Variants in EYS observed in about 807,000 individuals in gnomAD.
EYS encodes the protein protein eyes shut homolog.
Under a neutral mutation model 282.1 loss-of-function variants are expected in EYS, and 250 were observed. The ratio of observed to expected loss-of-function variants is 0.89; its 90% confidence interval spans 0.80 to 0.98. The LOEUF (loss-of-function observed/expected upper bound fraction) is 0.98. Among genes scored for constraint, EYS ranks in the 50% least tolerant of loss-of-function variants. The pLI is 0.00. For synonymous variants in EYS, 1,355 were observed against 1,282.9 expected (o/e 1.06, Z -1.20); for missense variants, 4,016 against 3,709.0 (o/e 1.08, Z -2.15).
chr6:65,086,348 A>G (rs1056012706), intron 12 of EYS, among the ~76,000 whole-genome samples: 2 of 152,036 alleles, frequency 1.3e-5, no homozygotes, highest in East Asian at 3.9e-4. Flanking sequence ...AGAAGACTAC[A>G]GCTTACATTT....
At chr6:65,066,064 A>AT (rs1773736682) in intron 12 of EYS, among the ~76,000 whole-genome samples, 2 of 152,218 alleles carry the variant, frequency 1.3e-5, no homozygotes, top group Non-Finnish European at 2.9e-5. Context: ...GGCTAGGGAC[A>AT]TCATTGCTTG....
At chr6:65,442,789 A>T (rs372074250) in intron 5 of EYS, among the ~76,000 whole-genome samples, 3,750 of 104,934 alleles carry the variant, frequency 0.036, 392 homozygotes, top group African/African-American at 0.052. Context: ...ATTAAAAAAA[A>T]ATATATAGAC....
chr6:64,137,628 C>CAG (rs140219462), intron 31 of EYS, among the ~76,000 whole-genome samples: 7,287 of 151,750 alleles, frequency 0.048, 226 homozygotes, highest in Non-Finnish European at 0.075. Flanking sequence ...AAGAGAGAGA[C>CAG]AGAGAGAGAG....
rs144992044 is a variant in EYS, at chr6:63,732,854, T to C, written c.8072-6174A>G. On this transcript the variant is annotated intron_variant, in intron 41 of 42. Coordinates refer to ENST00000503581, the MANE Select transcript of EYS (RefSeq NM_001142800.2). The stretch of plus-strand genomic sequence containing the variant: ...TTATTTGTGCTGTCATCCTTGTGGA[T>C]GGAAATAGTAAATTAAATAAACATG... Among the ~76,000 whole-genome samples the C allele has an allele frequency of 4.3e-3, 652 of 152,264 alleles. 4 individuals are homozygous for C. Among genetic ancestry groups the C allele is most frequent in the African/African-American group, 0.014 (571 of 41,552 alleles).
At chr6:64,271,040 C>T (rs1037722614) in intron 30 of EYS, among the ~76,000 whole-genome samples, 8 of 152,206 alleles carry the variant, frequency 5.3e-5, no homozygotes, top group Non-Finnish European at 4.4e-5. Flanking sequence ...ATTGTGTTAA[C>T]ATACTACTTT....
At chr6:65,668,299 A>G (rs1332633832) in intron 1 of EYS, among the ~76,000 whole-genome samples, 1 of 151,866 alleles carries the variant, frequency 6.6e-6, no homozygotes, top group Non-Finnish European at 1.5e-5. Flanking sequence ...TGAAAGCCTG[A>G]CTGTTTTTTA....
At chr6:65,130,614 C>T (rs1346511666) in intron 12 of EYS, among the ~76,000 whole-genome samples, 1 of 151,488 alleles carries the variant, frequency 6.6e-6, no homozygotes, top group Non-Finnish European at 1.5e-5. Context: ...AACAGATGGA[C>T]TTATAGAAGG....
Position 65,350,757 on chromosome 6 carries a change from CTT to C in EYS, c.1459+2699_1459+2700del, listed in dbSNP as rs546749366. On this transcript the variant is annotated intron_variant, in intron 9 of 42. Coordinates refer to ENST00000503581, the MANE Select transcript of EYS (RefSeq NM_001142800.2). Reference sequence around the variant, plus strand: ...TGAAAAGAAACAGTGCATGTCAGCTCTTTCTCAAGATGTGCACTGTCGACCAA... The same window carrying C: ...TGAAAAGAAACAGTGCATGTCAGCTCTCTCAAGATGTGCACTGTCGACCAA... Among the ~76,000 whole-genome samples the C allele has an allele frequency of 1.2e-3, 175 of 151,760 alleles. 1 individual carries two copies. The highest frequency in any genetic ancestry group is 4.0e-3 in the African/African-American group (165 of 41,520).
intron 15 of EYS, among the ~76,000 whole-genome samples, chr6:64,923,833 T>C (rs1768428463): frequency 6.6e-6 from 1 of 152,198 alleles, no homozygotes; most frequent in Non-Finnish European, 1.5e-5. Context: ...TAAGTTCTCA[T>C]GGTGTTGGGC....
At chr6:63,928,524 CTGTGTGTGTGTGTGTGTG>C (rs6149619) in intron 35 of EYS, among the ~76,000 whole-genome samples, 3 of 149,398 alleles carry the variant, frequency 2.0e-5, no homozygotes, top group Non-Finnish European at 3.0e-5. Flanking sequence ...CACCTTTTGA[CTGTGTGTGTGTGTGTGTG>C]TGTGTGTGTG....
intron 22 of EYS, among the ~76,000 whole-genome samples, chr6:64,776,344 C>T (rs1773675812): frequency 6.6e-6 from 1 of 151,990 alleles, no homozygotes; most frequent in African/African-American, 2.4e-5. Flanking sequence ...CTATTTACAT[C>T]ATAAAAGATA....
chr6:64,198,902 A>G (rs779614247), intron 31 of EYS, among the ~76,000 whole-genome samples: 1 of 152,180 alleles, frequency 6.6e-6, no homozygotes, highest in Non-Finnish European at 1.5e-5. Flanking sequence ...GAATTGGCAC[A>G]CTGTCTTCCA....
At chr6:64,378,825 A>G (rs1189508672) in intron 29 of EYS, among the ~76,000 whole-genome samples, 1 of 152,192 alleles carries the variant, frequency 6.6e-6, no homozygotes, top group Non-Finnish European at 1.5e-5. Context: ...TACTGGCTTC[A>G]TAAGAAAGCA....
At chr6:64,758,118 C>G (rs1397023645) in intron 22 of EYS, among the ~76,000 whole-genome samples, 3 of 152,038 alleles carry the variant, frequency 2.0e-5, no homozygotes, top group Non-Finnish European at 2.9e-5. Context: ...CATGTCTCAT[C>G]TAGTACGCAC....
At chr6:65,033,622 G>A (rs184759641) in intron 13 of EYS, among the ~76,000 whole-genome samples, 3 of 152,252 alleles carry the variant, frequency 2.0e-5, no homozygotes, top group Admixed American at 6.5e-5. Flanking sequence ...GCCTGTAGGG[G>A]CACAGAATAC....
chr6:65,028,806 G>A (rs979425445), intron 13 of EYS, among the ~76,000 whole-genome samples: 1 of 151,882 alleles, frequency 6.6e-6, no homozygotes. Flanking sequence ...ATGTATTTTT[G>A]TTAAAGAATC....
chr6:64,404,180 C>T (rs1463998624), intron 28 of EYS, among the ~76,000 whole-genome samples: 3 of 152,072 alleles, frequency 2.0e-5, no homozygotes. Flanking sequence ...TCCACAACAA[C>T]TCATAAAATC....
At chr6:65,313,885 C>G (rs1313105425) in intron 11 of EYS, among the ~76,000 whole-genome samples, 2 of 152,148 alleles carry the variant, frequency 1.3e-5, no homozygotes, top group Non-Finnish European at 2.9e-5. Context: ...GAGCTTCCCA[C>G]ATTAATAGGA....
intron 24 of EYS, among the ~76,000 whole-genome samples, chr6:64,594,733 T>C (rs1766525349): frequency 6.6e-6 from 1 of 151,000 alleles, no homozygotes; most frequent in Admixed American, 6.6e-5. Context: ...GAGATATACC[T>C]AATGCTAAAT....
Sources: allele counts gnomAD v4.1 joint callset (sites outside exome capture counted in the v4.1 genomes callset), GRCh38; gene constraint gnomAD v4.1.1; transcripts MANE v1.5; gene names NCBI Gene and HGNC (gene_info 2026-07-23, HGNC 2026-07-21).